PLEC: variants seen among roughly 807,000 people sequenced by gnomAD.
The protein encoded by PLEC is plectin.
A neutral mutation model predicts 392.8 loss-of-function variants in PLEC; 216 were observed. That is an observed-to-expected ratio of 0.55 (90% confidence interval 0.49 to 0.62). The LOEUF (loss-of-function observed/expected upper bound fraction) is 0.62, where lower values mean the gene tolerates loss of function less well. Among genes scored for constraint, PLEC ranks in the 20% least tolerant of loss-of-function variants. The pLI is 0.00. For missense variants in PLEC, 6,863 were observed against 6,563.4 expected (o/e 1.05, Z -1.58); for synonymous variants, 3,621 against 2,980.6 (o/e 1.21, Z -7.00).
chr8:143,951,355 G>A (rs1832129207), upstream of PLEC, among the ~76,000 whole-genome samples: 1 of 152,134 alleles, frequency 6.6e-6, no homozygotes, highest in South Asian at 2.1e-4. Context: ...ACTAGGGCCT[G>A]GGGAAGAAGC....
chr8:143,972,541 G>T lies in PLEC; in HGVS notation c.70+862C>A, dbSNP rs185179735. Among the ~76,000 whole-genome samples the T allele has an allele frequency of 3.9e-4, 59 of 152,346 alleles. No homozygotes were observed. The East Asian group carries it at 7.1e-3, about 18-fold the overall frequency. ...GACCTCTCTCCCTGAGCTGCCCTTG[G>T]GGGCAGAGCCAGCAAAACCAGCCAC... On this transcript the variant is annotated intron_variant, in intron 1 of 31. Coordinates refer to the PLEC transcript ENST00000356346.
intron 24 of PLEC, 49 bp from the exon 25 acceptor site, chr8:143,929,330 A>C: frequency 4.4e-6 from 7 of 1,577,888 alleles, no homozygotes; most frequent in Non-Finnish European, 6.0e-6. Flanking sequence ...CGCAGCACAC[A>C]GCGCCCCTTG....
chr8:143,920,415 C>A lies in PLEC; in HGVS notation c.9406G>T (p.Ala3136Ser). 6.3e-7 allele frequency: 1 copy of A among 1,593,936 alleles called. No homozygotes were observed. The highest frequency in any genetic ancestry group is 8.5e-7 in the Non-Finnish European group (1 of 1,173,098). Residue 3136 changes from alanine (A) to serine (S), a missense_variant, in exon 32 of 32, where the codon GCC becomes TCC. By Grantham distance (99) the Ala-to-Ser change is moderately conservative. Transcript: ENST00000345136. ...PREQGLRLLD[A>S]QLSTGGIVDP... ...ACGATGCCGCCCGTGGACAGCTGGG[C>A]GTCCAACAGGCGCAGGCCCTGCTCC... is the stretch of plus-strand genomic sequence containing the variant.
intron 1 of PLEC, among the ~76,000 whole-genome samples, chr8:143,966,344 TCCCCACCTCAGCCCAGCATTTC>T (rs1367809135): frequency 1.3e-5 from 2 of 152,162 alleles, no homozygotes; most frequent in Non-Finnish European, 2.9e-5. Context: ...CAGCCTGGCC[TCCCCACCTCAGCCCAGCATTTC>T]CTGCACCTCA....
rs781964004 is a variant in PLEC, at chr8:143,925,065, G to A, written c.4864C>T (p.Arg1622Trp). The change falls in exon 31 of 32, where the codon CGG becomes TGG. Residue 1622 changes from arginine (R) to tryptophan (W), a missense_variant. By Grantham distance (101) the Arg-to-Trp change is moderately radical. Transcript: ENST00000345136. Reference protein sequence around the residue: ...RRAQQQAEAERAREEAERELE... With the variant: ...RRAQQQAEAEWAREEAERELE... ...TCCCGCTCTGCCTCCTCGCGCGCCC[G>A]CTCGGCCTCGGCCTGCTGCTGTGCC... 9.7e-6 allele frequency: 15 copies of A among 1,539,538 alleles called. No homozygotes were observed. Among genetic ancestry groups the A allele is most frequent in the East Asian group, 9.7e-5 (4 of 41,096 alleles).
upstream of PLEC, among the ~76,000 whole-genome samples, chr8:143,941,521 G>C (rs1483590153): frequency 6.6e-6 from 1 of 152,014 alleles, no homozygotes; most frequent in Non-Finnish European, 1.5e-5. Flanking sequence ...AGAAGGGCTG[G>C]GGCGGGGCAG....
chr8:143,917,156 T>C lies in PLEC; in HGVS notation c.12665A>G (p.Tyr4222Cys). ...GGTGATGGAGAGCGTGCCGGCGCGG[T>C]ACTGGTCCAGTGCCGAGCGGTCGAT... ...NLIDRSALDQ[Y>C]RAGTLSITEF... Residue 4222 changes from tyrosine to cysteine, a missense_variant, in exon 32 of 32, where the codon TAC becomes TGC. By Grantham distance (194) the Tyr-to-Cys change is radical (BLOSUM62 -2). Transcript: ENST00000345136. The C allele has an allele frequency of 6.2e-7, 1 of 1,609,932 alleles. No homozygotes were observed. Among genetic ancestry groups the C allele is most frequent in the Non-Finnish European group, 8.5e-7 (1 of 1,177,254 alleles).
intron 16 of PLEC, 41 bp from the exon 17 acceptor site, chr8:143,932,275 C>G (rs782628856): frequency 6.2e-7 from 1 of 1,608,550 alleles, no homozygotes; most frequent in African/African-American, 1.3e-5. Context: ...GCCGGCCACA[C>G]CCGGCTCTGC....
chr8:143,925,978 G>A lies in PLEC; in HGVS notation c.4045-94C>T, dbSNP rs956611813. The stretch of plus-strand genomic sequence containing the variant: ...CGCACCGGCACAGTTCACTCAGACA[G>A]CGCGGAGCAGGGGTCGGGGAAGACA... On this transcript the variant is annotated intron_variant, in intron 30 of 31. Coordinates refer to ENST00000345136, the MANE Select transcript of PLEC (RefSeq NM_201384.3). 2.6e-5 allele frequency: 35 copies of A among 1,342,342 alleles called. No individual in the cohort carries two copies. The Middle Eastern group carries it at 9.9e-4, about 38-fold the overall frequency. The allele number at this position is 1,342,342 out of a possible 1,614,324, so 83.2% of individuals were successfully genotyped here. A position where few individuals can be genotyped will look rare whatever the true frequency, so the allele number is the denominator to read the frequency against.
rs202165668 is a variant in PLEC at position 143,950,411 on chromosome 8, C to T, written c.296G>A (p.Arg99His). The T allele has an allele frequency of 9.5e-5, 152 of 1,607,468 alleles. No homozygotes were observed. The highest frequency in any genetic ancestry group is 3.1e-4 in the African/African-American group (23 of 74,884). Reference sequence around the variant, plus strand: ...CACCATGGCGACGGGGCGGCGCACGCGCTGCAGAGAGGCGGGCACGATCTC... The same window carrying T: ...CACCATGGCGACGGGGCGGCGCACGTGCTGCAGAGAGGCGGGCACGATCTC... The change falls in exon 1 of 32, where the codon CGC (arginine) becomes CAC (histidine). Residue 99 changes from arginine (R) to histidine (H), a missense_variant. Physicochemically the swap from Arg to His is conservative, Grantham distance 29. Coordinates refer to the PLEC transcript ENST00000322810.
rs202040785 is a variant in PLEC, at chr8:143,917,004, G to A, written c.12817C>T (p.Pro4273Ser). 2.6e-4 allele frequency: 416 copies of A among 1,612,708 alleles called. 2 individuals are homozygous for A. In the African/African-American group the frequency reaches 4.8e-3, roughly 18 times the overall value. The change falls in exon 32 of 32, where the codon CCC becomes TCC. Residue 4273 changes from proline to serine, a missense_variant. Coordinates refer to ENST00000345136, the MANE Select transcript of PLEC (RefSeq NM_201384.3). The part of the protein sequence containing the change: ...SRTQLASWSD[P>S]TEETGPVAGI... ...GCCACGGGGCCCGTCTCCTCAGTGG[G>A]GTCTGACCAGGAGGCCAGCTGGGTC...
chr8:143,950,277 C>G, exon 1 of PLEC: 1 of 1,570,702 alleles, frequency 6.4e-7, no homozygotes, highest in African/African-American at 1.3e-5. Context: ...TCCTCAAGCT[C>G]CTTCCGACGG....
rs1361207987 is a variant in PLEC, at chr8:143,916,778, C to T, written c.13043G>A (p.Arg4348His). Reference protein sequence around the residue: ...KGLVDKIMVDRINLAQKAFCG... With the variant: ...KGLVDKIMVDHINLAQKAFCG... ...GAAGGCCTTCTGGGCCAGGTTGATG[C>T]GGTCCACCATGATCTTGTCCACCAG... Residue 4348 changes from arginine (R) to histidine (H), a missense_variant, in exon 32 of 32, where the codon CGC (arginine) becomes CAC (histidine). Physicochemically the swap from Arg to His is conservative, Grantham distance 29 (BLOSUM62 0). Coordinates refer to ENST00000345136, the MANE Select transcript of PLEC (RefSeq NM_201384.3). 7 of 1,613,142 alleles carry T rather than the reference C, an allele frequency of 4.3e-6. No homozygotes were observed. The highest frequency in any genetic ancestry group is 2.7e-5 in the African/African-American group (2 of 74,922).
intron 1 of PLEC, chr8:143,946,214 G>T: frequency 1.9e-6 from 1 of 529,908 alleles, no homozygotes; most frequent in Non-Finnish European, 3.0e-6. Context: ...GGGCAGCTCC[G>T]AGAGGGGGCT....
In PLEC at chr8:143,922,870, C is replaced by T; in HGVS notation, c.7059G>A (p.Met2353Ile). ...ARRLQEDKEQ[M>I]AQQLAEETQG... Reference sequence around the variant, plus strand: ...GCGTCTCCTCCGCCAGCTGCTGCGCCATCTGCTCCTTGTCCTCCTGCAGCC... The same window carrying T: ...GCGTCTCCTCCGCCAGCTGCTGCGCTATCTGCTCCTTGTCCTCCTGCAGCC... Residue 2353 changes from methionine to isoleucine, a missense_variant, in exon 31 of 32, where the codon ATG becomes ATA. Transcript: ENST00000345136. The T allele has an allele frequency of 1.3e-6, 2 of 1,582,036 alleles. No individual in the cohort carries two copies. Among genetic ancestry groups the T allele is most frequent in the Middle Eastern group, 1.7e-4 (1 of 5,796 alleles).
Position 143,950,640 on chromosome 8 carries a change from C to T in PLEC, c.67G>A (p.Gly23Ser), listed in dbSNP as rs545313769. 66 of 1,594,150 alleles carry T rather than the reference C, an allele frequency of 4.1e-5. No homozygotes were observed. In the East Asian group the frequency reaches 1.3e-3, roughly 32 times the overall value. The stretch of plus-strand genomic sequence containing the variant: ...CGGTCCTTCTTGGCCACCATCACGC[C>T]CTCGCGGAAGAGCACCTCATAGATG... Residue 23 changes from glycine to serine, a missense_variant, in exon 1 of 32, where the codon GGC (glycine) becomes AGC (serine). Physicochemically the swap from Gly to Ser is moderately conservative, Grantham distance 56. Transcript: ENST00000322810.
chr8:143,937,069 C>T lies in PLEC; in HGVS notation c.345G>A (p.Val115=). Residue 115 remains valine, a splice_region_variant and synonymous_variant, in exon 5 of 32, where the codon GTG becomes GTA. Coordinates refer to ENST00000345136, the MANE Select transcript of PLEC (RefSeq NM_201384.3). The stretch of plus-strand genomic sequence containing the variant: ...CATCATTCCTGATGTTCACCAGCTT[C>T]ACCTGTGAGCGAGGGGCTCTCGGTC... ...IALDYLRHRQ[V]KLVNIRNDDI... 1 of 1,612,724 alleles carries T rather than the reference C, an allele frequency of 6.2e-7. No individual in the cohort carries two copies. The highest frequency in any genetic ancestry group is 8.5e-7 in the Non-Finnish European group (1 of 1,179,564).
chr8:143,918,547 G>C lies in PLEC; in HGVS notation c.11274C>G (p.His3758Gln). Residue 3758 changes from histidine (H) to glutamine (Q), a missense_variant, in exon 32 of 32, where the codon CAC (histidine) becomes CAG (glutamine). By Grantham distance (24) the His-to-Gln change is conservative (BLOSUM62 0). Transcript: ENST00000345136. ...VRKGLVGPEL[H>Q]DRLLSAERAV... ...CCCGCTCAGCCGAGAGCAGGCGGTCGTGCAGCTCGGGCCCCACGAGGCCCT... is the reference window on the plus strand; with the variant it reads ...CCCGCTCAGCCGAGAGCAGGCGGTCCTGCAGCTCGGGCCCCACGAGGCCCT... The C allele has an allele frequency of 6.2e-7, 1 of 1,610,254 alleles. No individual in the cohort carries two copies. Among genetic ancestry groups the C allele is most frequent in the Non-Finnish European group, 8.5e-7 (1 of 1,179,236 alleles).
rs782527499 is a variant in PLEC at position 143,934,016 on chromosome 8, G to A, written c.1245C>T (p.Ala415=). 1.3e-5 allele frequency: 21 copies of A among 1,610,596 alleles called. No homozygotes were observed. The East Asian group carries it at 2.0e-4, about 15-fold the overall frequency. ...CCCTCACCGACTGCAGCAGGGCGTC[G>A]GCCTGGTTCAGCTGCTCCTCACACA... The part of the protein sequence containing the change: ...AGLCEEQLNQ[A]DALLQSDVRL... The change falls in exon 12 of 32, where the codon GCC becomes GCT. Residue 415 remains alanine (A), a synonymous_variant. Coordinates refer to ENST00000345136, the MANE Select transcript of PLEC (RefSeq NM_201384.3).
Sources: gnomAD v4.1 joint callset for allele counts (sites outside exome capture counted in the v4.1 genomes callset) on GRCh38, gnomAD v4.1.1 for gene constraint, MANE v1.5 for transcripts, NCBI Gene and HGNC (gene_info 2026-07-23, HGNC 2026-07-21) for gene names.